ERCC6: variants seen among roughly 807,000 people sequenced by gnomAD.
ERCC6 encodes the protein ERCC excision repair 6, chromatin remodeling factor, also known as DNA excision repair protein ERCC-6.
In ERCC6, 116 loss-of-function variants were observed where a neutral mutation model predicts 158.7. The ratio of observed to expected loss-of-function variants is 0.73; its 90% CI spans 0.63 to 0.85. The LOEUF (loss-of-function observed/expected upper bound fraction) is 0.85. Among genes scored for constraint, ERCC6 ranks in the 40% least tolerant of loss-of-function variants. The pLI, the probability that ERCC6 is intolerant of heterozygous loss-of-function variation, is 0.00. For synonymous variants in ERCC6, 678 were observed against 659.3 expected, an observed-to-expected ratio of 1.03 and a Z score of -0.43; for missense variants, 1,698 against 1,799.4, an observed-to-expected ratio of 0.94 and a Z score of 1.02.
intron 5 of ERCC6, chr10:49,515,675 C>A (rs779596933): frequency 1.2e-6 from 2 of 1,614,146 alleles, no homozygotes; most frequent in South Asian, 2.2e-5. Flanking sequence ...AATACCATTT[C>A]TTTCCACGGA....
rs766195719 is a variant in ERCC6, at chr10:49,478,356, G to A, written c.2284C>T (p.Gln762Ter). The A allele has an allele frequency of 6.3e-7, 1 of 1,598,544 alleles. No homozygotes were observed. Among genetic ancestry groups the A allele is most frequent in the South Asian group, 1.1e-5 (1 of 90,784 alleles). The change falls in exon 11 of 21, where the codon CAG (glutamine) becomes TAG (stop). Residue 762 changes from glutamine to a stop codon, truncating the protein, a stop_gained and splice_region_variant. Transcript: ENST00000355832. LOFTEE classifies it high-confidence loss of function. ...CGTTAACTCCTGGATTTACAGACCTGTTCATTTTTATCTGGCAAAGAAAGG... is the reference window on the plus strand; with the variant it reads ...CGTTAACTCCTGGATTTACAGACCTATTCATTTTTATCTGGCAAAGAAAGG... ...MSLSLPDKNEQVLFCRLTDEQ... is the reference protein window; with the variant it reads ...MSLSLPDKNE
At chr10:49,471,189 C>A in intron 16 of ERCC6, 69 bp from the exon 17 acceptor site, 2 of 1,503,500 alleles carry the variant, frequency 1.3e-6, no homozygotes, top group Non-Finnish European at 1.8e-6. Context: ...AGTTATAAAG[C>A]AATATAAGAG....
intron 10 of ERCC6, 87 bp downstream of exon 10, chr10:49,482,600 C>A: frequency 3.7e-6 from 4 of 1,076,918 alleles, no homozygotes; most frequent in Non-Finnish European, 4.0e-6. Context: ...TTCTCACATT[C>A]TGAATGACTT....
chr10:49,438,086 TTGCAGATCCAACCACAC>T, the ERCC6 span, among the ~76,000 whole-genome samples: 327 of 152,302 alleles, frequency 2.1e-3, no homozygotes, highest in African/African-American at 7.0e-3. Context: ...CTGCAGTTGG[TTGCAGATCCAACCACAC>T]TGCAGATCCA....
At chr10:49,530,882 A>G (rs1255044174) in intron 2 of ERCC6, 42 bp from the exon 3 acceptor site, 1 of 1,607,128 alleles carries the variant, frequency 6.2e-7, no homozygotes, top group Non-Finnish European at 8.5e-7. Flanking sequence ...CTCTGATAAC[A>G]TTTTTATAGC....
At chr10:49,479,813 G>A (rs1187354628) in intron 10 of ERCC6, among the ~76,000 whole-genome samples, 1 of 152,164 alleles carries the variant, frequency 6.6e-6, no homozygotes, top group Non-Finnish European at 1.5e-5. Context: ...CCACCCCATG[G>A]AGATGATCTT....
chr10:49,535,005 G>A (rs902379080), intron 1 of ERCC6, among the ~76,000 whole-genome samples: 2 of 152,156 alleles, frequency 1.3e-5, no homozygotes, highest in South Asian at 2.1e-4. Flanking sequence ...AGCATCGAGC[G>A]AACTATATAT....
Position 49,483,399 on chromosome 10 carries a change from C to T in ERCC6, c.1939G>A (p.Glu647Lys), listed in dbSNP as rs1163269726. ...TTTGGATTTCGAATTTTGTGTCCTT[C>T]GTCCAAGATCACATAGTGCCAGTCA... is the stretch of plus-strand genomic sequence containing the variant. ...RYDWHYVILD[E>K]GHKIRNPNAA... is the part of the protein sequence containing the mutation. Residue 647 changes from glutamate (E) to lysine (K), a missense_variant, in exon 9 of 21, where the codon GAA (glutamate) becomes AAA (lysine). Coordinates refer to ENST00000355832, the MANE Select transcript of ERCC6 (RefSeq NM_000124.4). 1.2e-5 allele frequency: 20 copies of T among 1,614,038 alleles called. No homozygotes were observed. The highest frequency in any genetic ancestry group is 2.2e-5 in the East Asian group (1 of 44,886).
chr10:49,450,675 TC>T (rs139691982), downstream of ERCC6, among the ~76,000 whole-genome samples: 4,373 of 152,344 alleles, frequency 0.029, 224 homozygotes, highest in African/African-American at 0.099. Flanking sequence ...TTAATTACTT[TC>T]TGCAATGTTT....
chr10:49,524,950 C>T, intron 4 of ERCC6, 173 bp from the exon 5 acceptor site: 1 of 1,416,022 alleles, frequency 7.1e-7, no homozygotes, highest in Non-Finnish European at 9.3e-7. Flanking sequence ...ATTATAGCAT[C>T]ATGCTATATT....
Position 49,493,178 on chromosome 10 carries a change from G to T in ERCC6, c.1760C>A (p.Thr587Lys), listed in dbSNP as rs767709344. 1 of 1,614,034 alleles carries T rather than the reference G, an allele frequency of 6.2e-7. No individual in the cohort carries two copies. Among genetic ancestry groups the T allele is most frequent in the East Asian group, 2.2e-5 (1 of 44,870 alleles). The change falls in exon 8 of 21, where the codon ACG becomes AAG. Residue 587 changes from threonine (T) to lysine (K), a missense_variant. Coordinates refer to ENST00000355832, the MANE Select transcript of ERCC6 (RefSeq NM_000124.4). ...VMHQWVKEFH[T>K]WWPPFRVAIL... Reference sequence around the variant, plus strand: ...TGCCACTCTGAACGGAGGCCACCACGTGTGAAATTCCTTCACCCACTGATG... The same window carrying T: ...TGCCACTCTGAACGGAGGCCACCACTTGTGAAATTCCTTCACCCACTGATG...
intron 14 of ERCC6, among the ~76,000 whole-genome samples, 191 bp from the exon 15 acceptor site, chr10:49,473,219 T>C (rs1850812483): frequency 1.3e-5 from 2 of 152,240 alleles, no homozygotes; most frequent in African/African-American, 4.8e-5. Context: ...AATAGAAATA[T>C]TTAAAAATTG....
In ERCC6 at chr10:49,498,344, A is replaced by C. The variant is rs568910243; in HGVS notation, c.1685+2194T>G. Among the ~76,000 whole-genome samples the C allele has an allele frequency of 3.2e-4, 48 of 152,350 alleles. 1 individual carries two copies. The South Asian group carries it at 9.3e-3, about 30-fold the overall frequency. ...AGGAAATATACATAGCCAATGAGGC[A>C]ATAACAGCTCACACAGAACTTCATT... On this transcript the variant is annotated intron_variant, in intron 7 of 20. Coordinates refer to ENST00000355832, the MANE Select transcript of ERCC6 (RefSeq NM_000124.4).
chr10:49,464,522 C>T (rs1344205443), intron 18 of ERCC6, among the ~76,000 whole-genome samples: 1 of 152,210 alleles, frequency 6.6e-6, no homozygotes. Flanking sequence ...AATGTTAATC[C>T]CCAAGACAAT....
At chr10:49,525,799 TTCAGGCTACC>T (rs1398319650) in intron 4 of ERCC6, among the ~76,000 whole-genome samples, 1 of 152,016 alleles carries the variant, frequency 6.6e-6, no homozygotes, top group Non-Finnish European at 1.5e-5. Flanking sequence ...AGATGAGCCC[TTCAGGCTACC>T]TCCCAGCCTC....
chr10:49,518,263 A>C (rs940124948), intron 5 of ERCC6, among the ~76,000 whole-genome samples: 1 of 152,220 alleles, frequency 6.6e-6, no homozygotes, highest in African/African-American at 2.4e-5. Flanking sequence ...GGCCCCCATC[A>C]AGTGGAGGGA....
chr10:49,519,005 T>C (rs1017738307), intron 5 of ERCC6, among the ~76,000 whole-genome samples: 1 of 152,202 alleles, frequency 6.6e-6, no homozygotes, highest in African/African-American at 2.4e-5. Context: ...CAGATTCAGG[T>C]TACACCAGAC....
chr10:49,470,388 G>A lies in ERCC6; in HGVS notation c.3572C>T (p.Ala1191Val). 4 of 1,614,088 alleles carry A rather than the reference G, an allele frequency of 2.5e-6. No individual in the cohort carries two copies. The highest frequency in any genetic ancestry group is 2.2e-5 in the East Asian group (1 of 44,882). ...HKSKTKHHSV[A>V]EEETLEKHLR... ...ATGTTTCTCCAGGGTCTCTTCTTCT[G>A]CCACACTATGATGTTTTGTTTTTGA... Residue 1191 changes from alanine (A) to valine (V), a missense_variant, in exon 18 of 21, where the codon GCA becomes GTA. Transcript: ENST00000355832.
the ERCC6 span, among the ~76,000 whole-genome samples, chr10:49,438,465 C>A: frequency 6.6e-6 from 1 of 152,076 alleles, no homozygotes. Flanking sequence ...TGGGAAAGAC[C>A]AGCCCCCATG....
Sources: allele counts gnomAD v4.1 joint callset (sites outside exome capture counted in the v4.1 genomes callset), GRCh38; gene constraint gnomAD v4.1.1; transcripts MANE v1.5; gene names NCBI Gene and HGNC (gene_info 2026-07-23, HGNC 2026-07-21).